The following SAMTOR variants were observed in gnomAD, a reference collection of about 807,000 sequenced individuals.
The protein encoded by SAMTOR is UPF0532 protein C7orf60.
chr7:112,922,412 C>T, the SAMTOR span, among the ~76,000 whole-genome samples: 4 of 152,114 alleles, frequency 2.6e-5, no homozygotes, highest in Non-Finnish European at 5.9e-5. Flanking sequence ...TCTGCCTGGC[C>T]GCCCATCGTC....
At chr7:112,865,686 A>ATT in the SAMTOR span, among the ~76,000 whole-genome samples, 4 of 47,142 alleles carry the variant, frequency 8.5e-5, no homozygotes, top group African/African-American at 1.3e-4. Flanking sequence ...ATTCATATAT[A>ATT]TTTCATATAT....
chr7:112,902,416 C>CAAAAAAAAAACAAAAAAAAAAAAAA, the SAMTOR span, among the ~76,000 whole-genome samples: 1 of 12,320 alleles, frequency 8.1e-5, no homozygotes, highest in Non-Finnish European at 1.4e-4. Context: ...AACTCCGTCT[C>CAAAAAAAAAACAAAAAAAAAAAAAA]AAAAAAAAAA....
chr7:112,895,993 G>T, the SAMTOR span, among the ~76,000 whole-genome samples: 5 of 152,146 alleles, frequency 3.3e-5, no homozygotes, highest in East Asian at 9.6e-4. Context: ...AGATGTGTTT[G>T]TATATACTTT....
chr7:112,831,314 A>C, the SAMTOR span, among the ~76,000 whole-genome samples: 1 of 152,196 alleles, frequency 6.6e-6, no homozygotes, highest in African/African-American at 2.4e-5. Context: ...TCTATCTTTA[A>C]AAAATGCCTT....
At chr7:112,853,840 T>C in the SAMTOR span, among the ~76,000 whole-genome samples, 4 of 152,172 alleles carry the variant, frequency 2.6e-5, no homozygotes, top group African/African-American at 4.8e-5. Flanking sequence ...TAAAATACTT[T>C]GAAATCAATG....
At chr7:112,863,893 T>C in the SAMTOR span, among the ~76,000 whole-genome samples, 1 of 152,150 alleles carries the variant, frequency 6.6e-6, no homozygotes, top group Non-Finnish European at 1.5e-5. Context: ...TCCATCCCAT[T>C]ACTGGGCATA....
chr7:112,840,415 C>CT, the SAMTOR span, among the ~76,000 whole-genome samples: 2 of 151,868 alleles, frequency 1.3e-5, no homozygotes, highest in South Asian at 2.1e-4. Flanking sequence ...TTTGGGATCA[C>CT]TTTTTTTCTG....
the SAMTOR span, chr7:112,821,650 C>A: frequency 8.3e-7 from 1 of 1,202,788 alleles, no homozygotes; most frequent in Non-Finnish European, 1.1e-6. Context: ...TTTATGCAAA[C>A]CAGGTTTTCA....
chr7:112,929,283 G>C, the SAMTOR span, among the ~76,000 whole-genome samples: 2 of 151,858 alleles, frequency 1.3e-5, no homozygotes, highest in African/African-American at 4.8e-5. Flanking sequence ...GCAATGACCT[G>C]AATAGATATT....
the SAMTOR span, among the ~76,000 whole-genome samples, chr7:112,867,437 AGTC>A: frequency 6.6e-6 from 1 of 152,218 alleles, no homozygotes; most frequent in African/African-American, 2.4e-5. Context: ...TGGAATTAAA[AGTC>A]TTCTTATAAC....
chr7:112,826,282 A>G, the SAMTOR span, among the ~76,000 whole-genome samples: 1 of 152,124 alleles, frequency 6.6e-6, no homozygotes, highest in Non-Finnish European at 1.5e-5. Context: ...TTTAACATGC[A>G]GGCGTTAGTG....
chr7:112,913,016 T>C, the SAMTOR span, among the ~76,000 whole-genome samples: 1 of 152,336 alleles, frequency 6.6e-6, no homozygotes, highest in South Asian at 2.1e-4. Context: ...TAAACAGCAA[T>C]AGTACTGATT....
chr7:112,906,912 A>G, the SAMTOR span, among the ~76,000 whole-genome samples: 1 of 152,190 alleles, frequency 6.6e-6, no homozygotes, highest in African/African-American at 2.4e-5. Context: ...CATTATTGAG[A>G]TATCTGTTGT....
chr7:112,856,354 G>C, the SAMTOR span, among the ~76,000 whole-genome samples: 9 of 151,476 alleles, frequency 5.9e-5, no homozygotes, highest in East Asian at 1.7e-3. Context: ...GGTTCAAGCA[G>C]TTGTCATGCC....
chr7:112,885,843 A>T, the SAMTOR span, among the ~76,000 whole-genome samples: 2 of 152,102 alleles, frequency 1.3e-5, no homozygotes, highest in Non-Finnish European at 2.9e-5. Flanking sequence ...CTTTATAGCA[A>T]CACCCCACTT....
the SAMTOR span, among the ~76,000 whole-genome samples, chr7:112,872,047 A>G: frequency 3.3e-5 from 5 of 152,196 alleles, no homozygotes; most frequent in African/African-American, 2.4e-5. Flanking sequence ...AGAAGCACAA[A>G]AAATAACTGG....
At chr7:112,859,355 T>C in the SAMTOR span, among the ~76,000 whole-genome samples, 45 of 152,356 alleles carry the variant, frequency 3.0e-4, no homozygotes, top group African/African-American at 1.1e-3. Context: ...TTTAGTGCAA[T>C]GCATTACTAA....
At chr7:112,885,971 G>A in the SAMTOR span, among the ~76,000 whole-genome samples, 1 of 152,224 alleles carries the variant, frequency 6.6e-6, no homozygotes, top group Non-Finnish European at 1.5e-5. Flanking sequence ...GCATGGCTGG[G>A]AAAGCCTCAG....
At chr7:112,857,054 G>A in the SAMTOR span, among the ~76,000 whole-genome samples, 2 of 145,504 alleles carry the variant, frequency 1.4e-5, no homozygotes, top group African/African-American at 5.0e-5. Flanking sequence ...AAATAATGAA[G>A]TCAGCAGTAA....
Sources: allele counts gnomAD v4.1 joint callset (sites outside exome capture counted in the v4.1 genomes callset), GRCh38; gene constraint gnomAD v4.1.1; transcripts MANE v1.5; gene names NCBI Gene and HGNC (gene_info 2026-07-23, HGNC 2026-07-21).